Variants in PLCH2 observed in about 807,000 individuals in gnomAD.
PLCH2 encodes phospholipase C eta 2, also known as 1-phosphatidylinositol 4,5-bisphosphate phosphodiesterase eta-2.
PLCH2 carries 98 observed loss-of-function variants against 134.7 expected under a neutral mutation model. The ratio of observed to expected loss-of-function variants is 0.73; its 90% CI spans 0.62 to 0.86. The LOEUF (loss-of-function observed/expected upper bound fraction) is 0.86, where lower values mean the gene tolerates loss of function less well. PLCH2 is among the 40% of genes least tolerant of loss of function. PLCH2 has a pLI of 0.00. For missense variants in PLCH2, 1,994 were observed against 1,986.6 expected, an observed-to-expected ratio of 1.00 and a Z score of -0.07; for synonymous variants, 974 against 827.5, an observed-to-expected ratio of 1.18 and a Z score of -3.04.
At chr1:2,455,232 G>A (rs1419455373) in intron 2 of PLCH2, among the ~76,000 whole-genome samples, 16 of 152,192 alleles carry the variant, frequency 1.1e-4, no homozygotes, top group Non-Finnish European at 4.4e-5. Context: ...TAGGACGGGC[G>A]GGCACCTGGA....
At chr1:2,503,012 C>T in intron 21 of PLCH2, 1 of 715,194 alleles carries the variant, frequency 1.4e-6, no homozygotes, top group Non-Finnish European at 2.6e-6. Context: ...GCCTCGTGTG[C>T]TCGTGCTCGT....
In PLCH2 at chr1:2,502,149, G is replaced by C; in HGVS notation, c.2699G>C (p.Arg900Pro). 1.3e-6 allele frequency: 2 copies of C among 1,482,368 alleles called. No homozygotes were observed. The highest frequency in any genetic ancestry group is 1.8e-6 in the Non-Finnish European group (2 of 1,121,164). 91.8% of individuals were successfully genotyped at this position (1,482,368 alleles called of 1,614,324 possible). A position where few individuals can be genotyped will look rare whatever the true frequency, so the allele number is the denominator to read the frequency against. Reference protein sequence around the residue: ...QALGLKGLFLRGPKPGSLDSH... With the variant: ...QALGLKGLFLPGPKPGSLDSH... ...CTGGGCCTAAAAGGCCTCTTCCTCC[G>C]AGGCCCAAAGCCCGGCTCGCTGGAC... The change falls in exon 21 of 22, where the codon CGA becomes CCA. Residue 900 changes from arginine (R) to proline (P), a missense_variant. Physicochemically the swap from Arg to Pro is moderately radical, Grantham distance 103. This residue lies in a region of PLCH2 where 900 missense variants were observed against 752.3 expected (regional missense o/e 1.20). Coordinates refer to ENST00000378486, the MANE Select transcript of PLCH2 (RefSeq NM_014638.4).
At position 2,487,309 on chromosome 1, in the gene PLCH2, G is replaced by A. The variant is rs371965717; in HGVS notation, c.1047G>A (p.Gln349=). 15 of 1,613,822 alleles carry A rather than the reference G, an allele frequency of 9.3e-6. No homozygotes were observed. The highest frequency in any genetic ancestry group is 1.3e-5 in the Non-Finnish European group (15 of 1,180,014). ...SSHNTYLVGD[Q]LMSQSRVDMY... Reference sequence around the variant, plus strand: ...ACAACACCTACCTCGTGGGTGACCAGCTCATGTCCCAGTCACGGGTGGACA... The same window carrying A: ...ACAACACCTACCTCGTGGGTGACCAACTCATGTCCCAGTCACGGGTGGACA... Residue 349 remains glutamine (Q), a synonymous_variant, in exon 7 of 22, where the codon CAG becomes CAA. Transcript: ENST00000378486.
At position 2,436,538 on chromosome 1, in the gene PLCH2, T is replaced by A. The variant is rs921173281; in HGVS notation, c.115+5909T>A. Among the ~76,000 whole-genome samples the A allele has an allele frequency of 7.4e-3, 170 of 23,058 alleles. 5 individuals are homozygous for A. Among genetic ancestry groups the A allele is most frequent in the East Asian group, 0.062 (11 of 176 alleles). 15.1% of individuals were successfully genotyped at this position (23,058 alleles called of 152,430 possible). On this transcript the variant is annotated intron_variant, in intron 2 of 3. Coordinates refer to the PLCH2 transcript ENST00000609981. The stretch of plus-strand genomic sequence containing the variant: ...TCCTCCCTCCTCCTTTCCTCCTTCC[T>A]CCCTCCTCCCTTCCTCCCTCCACCT...
upstream of PLCH2, among the ~76,000 whole-genome samples, chr1:2,473,945 G>A (rs1032994238): frequency 7.2e-5 from 11 of 152,386 alleles, no homozygotes; most frequent in East Asian, 3.9e-4. Context: ...TCAGGCTCAC[G>A]GGAGGGGCCG....
intron 13 of PLCH2, among the ~76,000 whole-genome samples, chr1:2,495,920 C>T (rs1019973123): frequency 5.3e-5 from 8 of 152,176 alleles, no homozygotes; most frequent in African/African-American, 1.9e-4. Flanking sequence ...GTGGCTCCCC[C>T]TCTTCCCGTC....
intron 2 of PLCH2, among the ~76,000 whole-genome samples, chr1:2,451,001 T>A (rs1445522633): frequency 6.6e-6 from 1 of 151,900 alleles, no homozygotes; most frequent in Non-Finnish European, 1.5e-5. Context: ...CCGCCTGTGC[T>A]AGGGATGTCG....
chr1:2,465,586 G>A (rs930726634), upstream of PLCH2, among the ~76,000 whole-genome samples: 1 of 151,972 alleles, frequency 6.6e-6, no homozygotes, highest in Admixed American at 6.6e-5. Flanking sequence ...GCCGCCTGCC[G>A]CCCGCCACCT....
chr1:2,504,765 G>C lies in PLCH2; in HGVS notation c.3803G>C (p.Ser1268Thr). Residue 1268 changes from serine (S) to threonine (T), a missense_variant, in exon 22 of 22, where the codon AGC (serine) becomes ACC (threonine). Around this residue, in one of 2 missense-constraint regions of PLCH2, gnomAD observed 900 missense variants for 752.3 expected, o/e 1.20. Coordinates refer to ENST00000378486, the MANE Select transcript of PLCH2 (RefSeq NM_014638.4). ...CTCACTGCTGATGACTTTGCCCCTAGCTTTGAGGGCGGCTCCCGCAGACTG... is the reference window on the plus strand; with the variant it reads ...CTCACTGCTGATGACTTTGCCCCTACCTTTGAGGGCGGCTCCCGCAGACTG... ...GDLTADDFAP[S>T]FEGGSRRLSH... 1.2e-6 allele frequency: 2 copies of C among 1,612,380 alleles called. No homozygotes were observed. The highest frequency in any genetic ancestry group is 1.7e-6 in the Non-Finnish European group (2 of 1,179,770).
At chr1:2,438,164 C>T (rs1008543367) in intron 2 of PLCH2, among the ~76,000 whole-genome samples, 7 of 152,242 alleles carry the variant, frequency 4.6e-5, no homozygotes, top group African/African-American at 1.4e-4. Flanking sequence ...ATGCTCAGAG[C>T]GTGCCTGTTG....
chr1:2,418,114 C>A, the PLCH2 span, among the ~76,000 whole-genome samples: 1 of 152,212 alleles, frequency 6.6e-6, no homozygotes, highest in African/African-American at 2.4e-5. Context: ...GACGTGTGAC[C>A]GGTGCGAGGC....
upstream of PLCH2, among the ~76,000 whole-genome samples, chr1:2,473,484 C>G (rs191675653): frequency 1.3e-5 from 2 of 152,208 alleles, no homozygotes; most frequent in Non-Finnish European, 2.9e-5. Context: ...GTGTGGGAGG[C>G]TTCTCCAGGC....
intron 4 of PLCH2, among the ~76,000 whole-genome samples, chr1:2,482,482 G>T (rs945156357): frequency 6.6e-6 from 1 of 152,226 alleles, no homozygotes; most frequent in African/African-American, 2.4e-5. Flanking sequence ...GGCTTCATCT[G>T]GTGTGTGCTG....
upstream of PLCH2, among the ~76,000 whole-genome samples, chr1:2,465,354 G>C (rs1342437406): frequency 6.6e-6 from 1 of 152,166 alleles, no homozygotes; most frequent in East Asian, 1.9e-4. Context: ...TACAGGGTGG[G>C]GACCCTCTGC....
At chr1:2,442,320 G>C (rs1429531672) in intron 2 of PLCH2, among the ~76,000 whole-genome samples, 2 of 152,158 alleles carry the variant, frequency 1.3e-5, no homozygotes, top group African/African-American at 2.4e-5. Context: ...TGTGTCTTCT[G>C]TCTCCTCTTC....
At position 2,485,058 on chromosome 1, in the gene PLCH2, C is replaced by G. The variant is rs1482061881; in HGVS notation, c.816+440C>G. On this transcript the variant is annotated intron_variant, in intron 5 of 21. Coordinates refer to ENST00000378486, the MANE Select transcript of PLCH2 (RefSeq NM_014638.4). Reference sequence around the variant, plus strand: ...GCCCCTGTGTTCCAGCCACATGGGTCTGGCTGACTCGCTCCCCTAGGGTGC... The same window carrying G: ...GCCCCTGTGTTCCAGCCACATGGGTGTGGCTGACTCGCTCCCCTAGGGTGC... Among the ~76,000 whole-genome samples, 20 of 152,202 alleles carry G rather than the reference C, an allele frequency of 1.3e-4. No individual in the cohort carries two copies. In the South Asian group the frequency reaches 3.9e-3, roughly 30 times the overall value.
At chr1:2,473,011 G>A (rs946352233), upstream of PLCH2, among the ~76,000 whole-genome samples, 8 of 152,120 alleles carry the variant, frequency 5.3e-5, no homozygotes, top group East Asian at 1.9e-4. Flanking sequence ...CTGAGCCACC[G>A]CTGGCCCCTT....
At chr1:2,451,386 T>C (rs1265733180) in intron 2 of PLCH2, among the ~76,000 whole-genome samples, 9 of 152,176 alleles carry the variant, frequency 5.9e-5, no homozygotes, top group Non-Finnish European at 1.3e-4. Context: ...TCGCGGAGAA[T>C]GTGGCTGATG....
chr1:2,486,963 C>G lies in PLCH2; in HGVS notation c.873C>G (p.Cys291Trp). 6.2e-7 allele frequency: 1 copy of G among 1,607,284 alleles called. No individual in the cohort carries two copies. Among genetic ancestry groups the G allele is most frequent in the Non-Finnish European group, 8.5e-7 (1 of 1,177,086 alleles). Residue 291 changes from cysteine (C) to tryptophan (W), a missense_variant, in exon 6 of 22, where the codon TGC (cysteine) becomes TGG (tryptophan). Transcript: ENST00000378486. ...CQDIIEQFEP[C>W]PENKSKGLLG... ...ACATCATCGAGCAGTTTGAGCCATG[C>G]CCAGAAAACAAGAGTAAGGGGCTGC...
Sources: allele counts gnomAD v4.1 joint callset (sites outside exome capture counted in the v4.1 genomes callset), GRCh38; gene constraint gnomAD v4.1.1; regional missense constraint gnomAD v4.1.1; transcripts MANE v1.5; gene names NCBI Gene and HGNC (gene_info 2026-07-23, HGNC 2026-07-21).